B3GNT2: variants seen among roughly 807,000 people sequenced by gnomAD.
The protein encoded by B3GNT2 is UDP-GlcNAc:betaGal beta-1,3-N-acetylglucosaminyltransferase 2.
Under a neutral mutation model 27.6 loss-of-function variants are expected in B3GNT2, and 12 were observed. The observed-to-expected ratio is 0.44, with a 90% CI of 0.28 to 0.71. The LOEUF is 0.71. B3GNT2 is among the 30% of genes least tolerant of loss of function. B3GNT2 has a pLI of 0.17. For missense variants in B3GNT2, 413 were observed against 488.5 expected, an observed-to-expected ratio of 0.85 and a Z score of 1.46; for synonymous variants, 192 against 189.7, an observed-to-expected ratio of 1.01 and a Z score of -0.10.
chr2:62,199,719 T>G (rs1017291306), intron 1 of B3GNT2, among the ~76,000 whole-genome samples: 2 of 152,260 alleles, frequency 1.3e-5, no homozygotes, highest in African/African-American at 4.8e-5. Flanking sequence ...CTGCATCCAG[T>G]AAAGAAAACA....
rs1259512466 is a variant in B3GNT2 at position 62,222,445 on chromosome 2, C to A, written c.225C>A (p.Ser75Arg). 1.2e-6 allele frequency: 2 copies of A among 1,614,162 alleles called. No homozygotes were observed. Among genetic ancestry groups the A allele is most frequent in the Non-Finnish European group, 8.5e-7 (1 of 1,180,036 alleles). The change falls in exon 2 of 2, where the codon AGC (serine) becomes AGA (arginine). Residue 75 changes from serine to arginine, a missense_variant. Transcript: ENST00000301998. The surrounding 1 kb of genome is among the most constrained non-coding windows in gnomAD (Gnocchi z 4.2). Reference protein sequence around the residue: ...KLNRQYNPILSMLTNQTGEAG... With the variant: ...KLNRQYNPILRMLTNQTGEAG... ...ACCGGCAGTACAACCCCATCCTGAG[C>A]ATGCTGACCAACCAGACGGGGGAGG... is the stretch of plus-strand genomic sequence containing the variant.
intron 1 of B3GNT2, among the ~76,000 whole-genome samples, chr2:62,213,607 G>C (rs1166909637): frequency 2.0e-5 from 3 of 152,070 alleles, no homozygotes; most frequent in Non-Finnish European, 4.4e-5. Context: ...GAAATGAGGG[G>C]GCGGCTGTAC....
chr2:62,214,171 G>A (rs1674529447), intron 1 of B3GNT2, among the ~76,000 whole-genome samples: 1 of 152,208 alleles, frequency 6.6e-6, no homozygotes, highest in Admixed American at 6.5e-5. Context: ...CAGACACATA[G>A]CTAGAGTTAG....
intron 1 of B3GNT2, among the ~76,000 whole-genome samples, chr2:62,219,296 G>A (rs6714411): frequency 0.94 from 143,198 of 152,280 alleles, 67,445 homozygotes; most frequent in East Asian, 1. Context: ...AATTTTTGCC[G>A]GGTATTAAGC....
intron 1 of B3GNT2, among the ~76,000 whole-genome samples, chr2:62,216,488 C>G (rs1219398361): frequency 2.0e-5 from 3 of 151,910 alleles, no homozygotes; most frequent in Non-Finnish European, 4.4e-5. Context: ...TCACTGCTGC[C>G]TGGATCTTCT....
At chr2:62,202,092 C>A (rs1276646639) in intron 1 of B3GNT2, among the ~76,000 whole-genome samples, 1 of 152,216 alleles carries the variant, frequency 6.6e-6, no homozygotes, top group Non-Finnish European at 1.5e-5. Context: ...GTGAAGTGAG[C>A]AGTTTGTTCT....
rs770162729 is a variant in B3GNT2 at position 62,223,067 on chromosome 2, C to A, written c.847C>A (p.Arg283=). 1.9e-6 allele frequency: 3 copies of A among 1,614,196 alleles called. No homozygotes were observed. Among genetic ancestry groups the A allele is most frequent in the Non-Finnish European group, 2.5e-6 (3 of 1,180,036 alleles). The change falls in exon 2 of 2, where the codon CGG becomes AGG. Residue 283 remains arginine (R), a synonymous_variant. Transcript: ENST00000301998. Reference sequence around the variant, plus strand: ...TGTGATCCACAATGCTGGACCTCATCGGGATAAGAAGCTGAAGTACTACAT... The same window carrying A: ...TGTGATCCACAATGCTGGACCTCATAGGGATAAGAAGCTGAAGTACTACAT... ...GDVIHNAGPH[R]DKKLKYYIPE...
intron 1 of B3GNT2, among the ~76,000 whole-genome samples, chr2:62,216,523 A>T (rs542559261): frequency 7.2e-5 from 11 of 151,828 alleles, no homozygotes; most frequent in African/African-American, 2.7e-4. Flanking sequence ...CTCCCACCTC[A>T]GCCTCCTGAG....
rs537526565 is a variant in B3GNT2 at position 62,208,240 on chromosome 2, C to A, written c.-10+11885C>A. On this transcript the variant is annotated intron_variant, in intron 1 of 1. Coordinates refer to ENST00000301998, the MANE Select transcript of B3GNT2 (RefSeq NM_006577.6). ...CCTTCCTTTCCCCCTTCCTTCCCCC[C>A]CAATCTCTACACCAAGACTGCCAAG... Among the ~76,000 whole-genome samples, 15 of 133,694 alleles carry A rather than the reference C, an allele frequency of 1.1e-4. No homozygotes were observed. In the South Asian group the frequency reaches 2.0e-3, roughly 17 times the overall value. The allele number at this position is 133,694 out of a possible 152,430, so 87.7% of individuals were successfully genotyped here.
Position 62,210,617 on chromosome 2 carries a change from A to G in B3GNT2, c.-9-11595A>G, listed in dbSNP as rs147382409. On this transcript the variant is annotated intron_variant, in intron 1 of 1. Coordinates refer to ENST00000301998, the MANE Select transcript of B3GNT2 (RefSeq NM_006577.6). ...AACCCCATCTCTACTAAATAATACA[A>G]AAATTAGCTGGGTGTGGTGGTGGGC... 2.2e-3 allele frequency among the ~76,000 whole-genome samples: 337 copies of G among 152,022 alleles called. 5 individuals are homozygous for G. The highest frequency in any genetic ancestry group is 0.02 in the East Asian group (103 of 5,172).
intron 1 of B3GNT2, chr2:62,215,470 T>G (rs1226941721): frequency 6.6e-6 from 1 of 152,336 alleles, no homozygotes; most frequent in African/African-American, 2.4e-5. Context: ...ACTCACACCC[T>G]TATCACTCCA....
chr2:62,198,268 A>G (rs1267676497), intron 1 of B3GNT2, among the ~76,000 whole-genome samples: 1 of 152,234 alleles, frequency 6.6e-6, no homozygotes, highest in Non-Finnish European at 1.5e-5. Context: ...GATCTTGGGC[A>G]AGTTATTCTT....
chr2:62,201,472 A>G (rs1169143577), intron 1 of B3GNT2, among the ~76,000 whole-genome samples: 1 of 152,268 alleles, frequency 6.6e-6, no homozygotes, highest in Non-Finnish European at 1.5e-5. Flanking sequence ...TTCAGAGGTG[A>G]AAGCACAGGA....
At chr2:62,221,657 A>C (rs75737167) in intron 1 of B3GNT2, among the ~76,000 whole-genome samples, 1,572 of 152,324 alleles carry the variant, frequency 0.01, 30 homozygotes, top group African/African-American at 0.037. Flanking sequence ...TTAAAATCTC[A>C]AAGTTTTTCA....
At chr2:62,211,546 G>T (rs4671416) in intron 1 of B3GNT2, among the ~76,000 whole-genome samples, 2 of 151,930 alleles carry the variant, frequency 1.3e-5, no homozygotes, top group Admixed American at 6.5e-5. Context: ...GGAGTTCTTC[G>T]TTTTTTCCCT....
chr2:62,207,436 A>G (rs535425906), intron 1 of B3GNT2, among the ~76,000 whole-genome samples: 9 of 152,250 alleles, frequency 5.9e-5, no homozygotes, highest in African/African-American at 2.2e-4. Context: ...AGTATAATTT[A>G]ATAGAATTGG....
chr2:62,223,656 AT>A lies in B3GNT2; in HGVS notation c.*247del. 5.2e-6 allele frequency: 2 copies of A among 381,716 alleles called. No homozygotes were observed. The highest frequency in any genetic ancestry group is 4.9e-6 in the Non-Finnish European group (1 of 204,100). The allele number at this position is 381,716 out of a possible 1,614,324, so 23.6% of individuals were successfully genotyped here. On this transcript the variant is annotated 3_prime_UTR_variant, in exon 2 of 2. Transcript: ENST00000301998. ...GTTCTGATCTTACCGGCTAGTGGTCATTTTTAAAAAACTTGTACCCTCTTAT... is the reference window on the plus strand; with the variant it reads ...GTTCTGATCTTACCGGCTAGTGGTCATTTTAAAAAACTTGTACCCTCTTAT...
intron 1 of B3GNT2, among the ~76,000 whole-genome samples, chr2:62,197,444 C>G (rs939353166): frequency 1.3e-5 from 2 of 152,182 alleles, no homozygotes; most frequent in African/African-American, 2.4e-5. Flanking sequence ...CGAGGCGGCG[C>G]TCTTCTGCCC....
intron 1 of B3GNT2, among the ~76,000 whole-genome samples, chr2:62,201,096 A>G (rs1185533981): frequency 1.3e-5 from 2 of 152,170 alleles, no homozygotes; most frequent in Non-Finnish European, 2.9e-5. Context: ...TTATTTCTTT[A>G]ACAGGGTGAT....
Sources: allele counts gnomAD v4.1 joint callset (sites outside exome capture counted in the v4.1 genomes callset), GRCh38; gene constraint gnomAD v4.1.1; non-coding constraint Gnocchi (gnomAD v3.1); transcripts MANE v1.5; gene names NCBI Gene and HGNC (gene_info 2026-07-23, HGNC 2026-07-21).